ZNF678: variants seen among roughly 807,000 people sequenced by gnomAD.
ZNF678 encodes the protein zinc finger protein 678, also known as hypothetical protein MGC42493.
In ZNF678, 5 loss-of-function variants were observed where a neutral mutation model predicts 3.0. That is an observed-to-expected ratio of 1.69 (90% CI 0.88 to 3.56). ZNF678 has a LOEUF of 3.56. Among genes scored for constraint, ZNF678 ranks in the 30% most tolerant of loss-of-function variants. The pLI is 0.00. For missense variants in ZNF678, 593 were observed against 605.0 expected, an observed-to-expected ratio of 0.98 and a Z score of 0.21; for synonymous variants, 218 against 199.6, an observed-to-expected ratio of 1.09 and a Z score of -0.78.
At chr1:227,602,668 G>A (rs1657763835) in intron 1 of ZNF678, among the ~76,000 whole-genome samples, 1 of 152,192 alleles carries the variant, frequency 6.6e-6, no homozygotes, top group Admixed American at 6.5e-5. Context: ...GCTAGAATTG[G>A]TAGAATTATT....
In ZNF678 at chr1:227,593,405, C is replaced by T. The variant is rs1055370223; in HGVS notation, c.-164+29681C>T. ...TATGATTTTAGGAAATTACAAAAACCGGTTGGGGCAGTCCATCCTTGCCCT... is the reference window on the plus strand; with the variant it reads ...TATGATTTTAGGAAATTACAAAAACTGGTTGGGGCAGTCCATCCTTGCCCT... On this transcript the variant is annotated intron_variant, in intron 1 of 3. Coordinates refer to ENST00000343776, the MANE Select transcript of ZNF678 (RefSeq NM_001367909.1). Among the ~76,000 whole-genome samples, 6 of 152,110 alleles carry T rather than the reference C, an allele frequency of 3.9e-5. No homozygotes were observed. The East Asian group carries it at 5.8e-4, about 15-fold the overall frequency.
intron 1 of ZNF678, among the ~76,000 whole-genome samples, chr1:227,616,163 A>G (rs1282050380): frequency 6.6e-6 from 1 of 152,080 alleles, no homozygotes; most frequent in African/African-American, 2.4e-5. Context: ...CTGTTTACCT[A>G]TTTTCTTACC....
At position 227,655,753 on chromosome 1, in the gene ZNF678, C is replaced by T. The variant is rs931178326; in HGVS notation, c.1503C>T (p.Ser501=). The T allele has an allele frequency of 2.5e-6, 4 of 1,611,584 alleles. No homozygotes were observed. Among genetic ancestry groups the T allele is most frequent in the African/African-American group, 1.3e-5 (1 of 74,898 alleles). ...CKECGKGFYQ[S]SIHSKYKRIY... Reference sequence around the variant, plus strand: ...AATGTGGAAAAGGTTTTTACCAATCCTCAATCCATAGTAAGTATAAGAGAA... The same window carrying T: ...AATGTGGAAAAGGTTTTTACCAATCTTCAATCCATAGTAAGTATAAGAGAA... The change falls in exon 4 of 4, where the codon TCC becomes TCT. Residue 501 remains serine, a synonymous_variant. Transcript: ENST00000343776.
Position 227,655,740 on chromosome 1 carries a change from G to T in ZNF678, c.1490G>T (p.Gly497Val). 1 of 1,612,106 alleles carries T rather than the reference G, an allele frequency of 6.2e-7. No individual in the cohort carries two copies. The highest frequency in any genetic ancestry group is 8.5e-7 in the Non-Finnish European group (1 of 1,178,898). Residue 497 changes from glycine (G) to valine (V), a missense_variant, in exon 4 of 4, where the codon GGT becomes GTT. By Grantham distance (109) the Gly-to-Val change is moderately radical. Coordinates refer to ENST00000343776, the MANE Select transcript of ZNF678 (RefSeq NM_001367909.1). ...KRYKCKECGK[G>V]FYQSSIHSKY... Reference sequence around the variant, plus strand: ...TACAAATGTAAAGAATGTGGAAAAGGTTTTTACCAATCCTCAATCCATAGT... The same window carrying T: ...TACAAATGTAAAGAATGTGGAAAAGTTTTTTACCAATCCTCAATCCATAGT...
At chr1:227,613,347 C>T (rs1026326984) in intron 1 of ZNF678, among the ~76,000 whole-genome samples, 2 of 152,132 alleles carry the variant, frequency 1.3e-5, no homozygotes, top group African/African-American at 4.8e-5. Flanking sequence ...TTACGTTTTC[C>T]TCTTATTTAT....
At chr1:227,674,269 C>T (rs983329187) in intron 5 of ZNF678, among the ~76,000 whole-genome samples, 1 of 152,202 alleles carries the variant, frequency 6.6e-6, no homozygotes, top group African/African-American at 2.4e-5. Flanking sequence ...TTTTAGAAAT[C>T]TTTCCCAGCA....
intron 1 of ZNF678, among the ~76,000 whole-genome samples, chr1:227,637,762 C>T (rs56197655): frequency 0.21 from 31,978 of 151,900 alleles, 3,489 homozygotes; most frequent in East Asian, 0.28. Flanking sequence ...GAACCCAGAG[C>T]CTAAAATATC....
At chr1:227,676,367 G>A (rs1401069471) in intron 5 of ZNF678, among the ~76,000 whole-genome samples, 1 of 152,032 alleles carries the variant, frequency 6.6e-6, no homozygotes, top group Non-Finnish European at 1.5e-5. Flanking sequence ...TCAAATCCCA[G>A]AAACATACAG....
intron 1 of ZNF678, among the ~76,000 whole-genome samples, chr1:227,591,361 T>C (rs932417610): frequency 1.3e-5 from 2 of 152,172 alleles, no homozygotes; most frequent in Admixed American, 1.3e-4. Context: ...GTAGACAGGA[T>C]TTTTTTCATT....
intron 1 of ZNF678, among the ~76,000 whole-genome samples, chr1:227,594,003 C>T (rs971366120): frequency 2.6e-5 from 4 of 151,740 alleles, no homozygotes; most frequent in Admixed American, 6.6e-5. Flanking sequence ...GCTGATTTGC[C>T]GGAAATTCTA....
chr1:227,664,252 C>T (rs143837195), downstream of ZNF678, among the ~76,000 whole-genome samples: 126 of 152,264 alleles, frequency 8.3e-4, no homozygotes, highest in South Asian at 2.3e-3. Context: ...AACCAGATCA[C>T]GGTTTGAAGT....
chr1:227,586,789 C>T (rs1434537249), intron 1 of ZNF678, among the ~76,000 whole-genome samples: 1 of 152,180 alleles, frequency 6.6e-6, no homozygotes, highest in Admixed American at 6.5e-5. Context: ...CAGTGCCAGG[C>T]ATCATGTGTT....
At chr1:227,615,303 G>A (rs967906098) in intron 1 of ZNF678, among the ~76,000 whole-genome samples, 5 of 152,190 alleles carry the variant, frequency 3.3e-5, no homozygotes, top group African/African-American at 7.2e-5. Flanking sequence ...GTCATGTTTA[G>A]TTTAACAGTT....
chr1:227,672,577 C>A (rs536859086), intron 5 of ZNF678, among the ~76,000 whole-genome samples: 1 of 152,126 alleles, frequency 6.6e-6, no homozygotes, highest in Non-Finnish European at 1.5e-5. Context: ...AGGGTCAGGT[C>A]GGTCTGGTTC....
chr1:227,674,483 A>G lies in ZNF678; in HGVS notation c.227-2696A>G, dbSNP rs536083793. On this transcript the variant is annotated intron_variant, in intron 5 of 5. Transcript: ENST00000608949. Reference sequence around the variant, plus strand: ...GGACAAAAGATTGAAACAGGTATATATATTTGTCACACCTCATGAAACTGT... The same window carrying G: ...GGACAAAAGATTGAAACAGGTATATGTATTTGTCACACCTCATGAAACTGT... Among the ~76,000 whole-genome samples, 10 of 152,116 alleles carry G rather than the reference A, an allele frequency of 6.6e-5. No individual in the cohort carries two copies. In the South Asian group the frequency reaches 1.7e-3, roughly 25 times the overall value.
rs535597155 is a variant in ZNF678, at chr1:227,660,205, T to C, written c.*4377T>C. On this transcript the variant is annotated 3_prime_UTR_variant, in exon 4 of 4. Transcript: ENST00000343776. ...CTTTGCAGTATATTTGACTGTCAAG[T>C]AGTGCAGTGCTTCCAACCTTCAGAG... 3 of 152,232 alleles carry C rather than the reference T, an allele frequency of 2.0e-5. No individual in the cohort carries two copies. In the South Asian group the frequency reaches 6.2e-4, roughly 32 times the overall value. 9.4% of individuals were successfully genotyped at this position (152,232 alleles called of 1,614,324 possible).
chr1:227,645,891 A>G (rs1034802604), intron 1 of ZNF678, among the ~76,000 whole-genome samples: 2 of 152,216 alleles, frequency 1.3e-5, no homozygotes, highest in African/African-American at 4.8e-5. Flanking sequence ...TTTTCTCTGT[A>G]TTATTAAGTA....
intron 2 of ZNF678, among the ~76,000 whole-genome samples, chr1:227,646,997 A>G (rs1418596103): frequency 6.6e-6 from 1 of 152,186 alleles, no homozygotes; most frequent in Non-Finnish European, 1.5e-5. Flanking sequence ...GGAGCTGAGA[A>G]CCTATATGTT....
At chr1:227,600,902 G>C (rs1408249063) in intron 1 of ZNF678, among the ~76,000 whole-genome samples, 1 of 152,100 alleles carries the variant, frequency 6.6e-6, no homozygotes, top group Non-Finnish European at 1.5e-5. Context: ...CCAGGGTTTA[G>C]TTATGGATTT....
Sources: allele counts gnomAD v4.1 joint callset (sites outside exome capture counted in the v4.1 genomes callset), GRCh38; gene constraint gnomAD v4.1.1; transcripts MANE v1.5; gene names NCBI Gene and HGNC (gene_info 2026-07-23, HGNC 2026-07-21).